The following EAF2 variants were observed in gnomAD, a reference collection of about 807,000 sequenced individuals.
The protein encoded by EAF2 is ELL associated factor 2, also known as ELL-associated factor 2.
EAF2 carries 29 observed loss-of-function variants against 29.4 expected under a neutral mutation model. That is an observed-to-expected ratio of 0.99 (90% CI 0.73 to 1.35). The LOEUF (loss-of-function observed/expected upper bound fraction) is 1.35. Ranked by LOEUF, EAF2 falls within the 40% of genes most tolerant of loss-of-function variation. The probability of loss-of-function intolerance (pLI) is 0.00; values close to 1 mark genes in which losing one functional copy is unlikely to be tolerated. For synonymous variants in EAF2, 103 were observed against 102.5 expected, an observed-to-expected ratio of 1.00 and a Z score of -0.03; for missense variants, 292 against 312.0, an observed-to-expected ratio of 0.94 and a Z score of 0.48.
chr3:121,886,233 G>A (rs993829909), intron 5 of EAF2, 109 bp from the exon 6 acceptor site: 2 of 561,698 alleles, frequency 3.6e-6, no homozygotes, highest in East Asian at 7.9e-5. Flanking sequence ...CAAAATACTA[G>A]GTAAACAGAA....
intron 2 of EAF2, among the ~76,000 whole-genome samples, chr3:121,851,567 T>G (rs1490949602): frequency 6.6e-6 from 1 of 152,218 alleles, no homozygotes; most frequent in East Asian, 1.9e-4. Flanking sequence ...AGCAATTCTA[T>G]GTGGTTTGTA....
chr3:121,855,758 G>A lies in EAF2; in HGVS notation c.338+935G>A, dbSNP rs1388090477. On this transcript the variant is annotated intron_variant, in intron 3 of 5. Coordinates refer to ENST00000273668, the MANE Select transcript of EAF2 (RefSeq NM_018456.6). ...CTGTGTATACGTTTTGGAAAGTAGG[G>A]GGCGATGTTGATATTGGGCTAGAGG... Among the ~76,000 whole-genome samples, 5 of 152,148 alleles carry A rather than the reference G, an allele frequency of 3.3e-5. No individual in the cohort carries two copies. The East Asian group carries it at 7.7e-4, about 23-fold the overall frequency.
rs1471736954 is a variant in EAF2, at chr3:121,854,744, T to C, written c.259T>C (p.Cys87Arg). 2 of 1,567,912 alleles carry C rather than the reference T, an allele frequency of 1.3e-6. No homozygotes were observed. Among genetic ancestry groups the C allele is most frequent in the African/African-American group, 2.8e-5 (2 of 71,674 alleles). The change falls in exon 3 of 6, where the codon TGC becomes CGC. Residue 87 changes from cysteine (C) to arginine (R), a missense_variant. Transcript: ENST00000273668. ...TTCAAAAAAACCTTACTTAAAAGAA[T>C]GCATTTTGATTATTAACCATGATAC... ...KGSKKPYLKE[C>R]ILIINHDTGE...
intron 5 of EAF2, among the ~76,000 whole-genome samples, chr3:121,879,874 T>C (rs766628323): frequency 1.8e-4 from 28 of 152,138 alleles, no homozygotes; most frequent in Admixed American, 2.0e-4. Flanking sequence ...TTTGGCATCA[T>C]CTGTGGTTCT....
intron 3 of EAF2, among the ~76,000 whole-genome samples, chr3:121,855,904 C>A (rs997181512): frequency 1.3e-5 from 2 of 152,118 alleles, no homozygotes; most frequent in African/African-American, 4.8e-5. Context: ...GGCATGTTTA[C>A]AGTTTTGTTT....
chr3:121,845,398 A>G (rs905099698), intron 2 of EAF2, among the ~76,000 whole-genome samples: 2 of 138,304 alleles, frequency 1.4e-5, no homozygotes, highest in Admixed American at 1.6e-4. Context: ...AGATCACGCC[A>G]CTGCACTCCA....
chr3:121,840,515 A>AACAAAAAAAC (rs1553725709), intron 1 of EAF2, among the ~76,000 whole-genome samples: 5 of 97,892 alleles, frequency 5.1e-5, no homozygotes, highest in African/African-American at 1.6e-4. Flanking sequence ...AAAAGAAAAA[A>AACAAAAAAAC]AAAAAACGGG....
At chr3:121,836,046 A>T (rs1367076638) in intron 1 of EAF2, 3 of 152,226 alleles carry the variant, frequency 2.0e-5, no homozygotes, top group Non-Finnish European at 2.9e-5. Context: ...TAGTTTTAAT[A>T]AATTATTCTC....
chr3:121,845,440 CAA>C (rs747436052), intron 2 of EAF2, among the ~76,000 whole-genome samples: 1 of 59,968 alleles, frequency 1.7e-5, no homozygotes. Context: ...TCCTACATCT[CAA>C]AAAAAAAAAA....
chr3:121,855,730 T>C (rs543784267), intron 3 of EAF2, among the ~76,000 whole-genome samples: 9 of 152,290 alleles, frequency 5.9e-5, no homozygotes, highest in African/African-American at 2.2e-4. Context: ...TTTGTCTCTG[T>C]ACCTGTGTAT....
rs374200762 is a variant in EAF2 at position 121,835,634 on chromosome 3, G to A, written c.106+243G>A. Among the ~76,000 whole-genome samples, 7 of 152,158 alleles carry A rather than the reference G, an allele frequency of 4.6e-5. No individual in the cohort carries two copies. In the East Asian group the frequency reaches 5.8e-4, roughly 13 times the overall value. On this transcript the variant is annotated intron_variant, in intron 1 of 5. Transcript: ENST00000273668. ...GAGCGTTGAGACCAGCAGACAGGAA[G>A]GGAAAGTGTGAAAAAAGTCTGTAGA... is the stretch of plus-strand genomic sequence containing the variant.
At chr3:121,871,844 CT>C (rs1162542673) in intron 4 of EAF2, among the ~76,000 whole-genome samples, 1 of 151,900 alleles carries the variant, frequency 6.6e-6, no homozygotes, top group African/African-American at 2.4e-5. Context: ...TAACTGACAG[CT>C]TTTGACATTT....
Position 121,865,042 on chromosome 3 carries a change from T to C in EAF2, c.485-7495T>C, listed in dbSNP as rs576348432. Among the ~76,000 whole-genome samples the C allele has an allele frequency of 2.0e-5, 3 of 152,280 alleles. No homozygotes were observed. The South Asian group carries it at 6.2e-4, about 32-fold the overall frequency. ...ATAATTTTACAGTACAAGTAGAAGT[T>C]CTTCCATGTGGTAGTTTTTTAATAG... is the stretch of plus-strand genomic sequence containing the variant. On this transcript the variant is annotated intron_variant, in intron 4 of 5. Transcript: ENST00000273668.
At chr3:121,853,881 T>C (rs1248994863) in intron 2 of EAF2, among the ~76,000 whole-genome samples, 1 of 152,200 alleles carries the variant, frequency 6.6e-6, no homozygotes. Context: ...ATTAAGCACA[T>C]AATGTCTGCT....
chr3:121,866,454 G>A (rs182026872), intron 4 of EAF2, among the ~76,000 whole-genome samples: 9 of 152,178 alleles, frequency 5.9e-5, no homozygotes, highest in East Asian at 1.9e-4. Context: ...GGCTGGGTGC[G>A]GTGGCTCACA....
intron 2 of EAF2, among the ~76,000 whole-genome samples, chr3:121,845,386 C>T (rs1199851967): frequency 3.1e-5 from 4 of 127,844 alleles, no homozygotes; most frequent in Non-Finnish European, 4.6e-5. Flanking sequence ...TGCAGTGAGC[C>T]GAGATCACGC....
intron 4 of EAF2, among the ~76,000 whole-genome samples, chr3:121,862,883 T>A (rs1391475831): frequency 1.3e-5 from 2 of 152,214 alleles, no homozygotes; most frequent in Non-Finnish European, 2.9e-5. Context: ...TTGGTGTGGA[T>A]GTCCTTTCTG....
At chr3:121,850,186 G>A (rs1708605860) in intron 2 of EAF2, among the ~76,000 whole-genome samples, 1 of 151,282 alleles carries the variant, frequency 6.6e-6, no homozygotes, top group Admixed American at 6.6e-5. Context: ...GGAGAATACT[G>A]TCTATTCAGT....
At chr3:121,838,367 C>T (rs1708343010) in intron 1 of EAF2, among the ~76,000 whole-genome samples, 1 of 152,074 alleles carries the variant, frequency 6.6e-6, no homozygotes, top group African/African-American at 2.4e-5. Flanking sequence ...ATATGTTTGA[C>T]ATTTAGAAGC....
Sources: gnomAD v4.1 joint callset for allele counts (sites outside exome capture counted in the v4.1 genomes callset) on GRCh38, gnomAD v4.1.1 for gene constraint, MANE v1.5 for transcripts, NCBI Gene and HGNC (gene_info 2026-07-23, HGNC 2026-07-21) for gene names.